DLG2: variants seen among roughly 807,000 people sequenced by gnomAD.
DLG2 encodes the protein discs large MAGUK scaffold protein 2.
Under a neutral mutation model 132.5 loss-of-function variants are expected in DLG2, and 45 were observed. The observed-to-expected ratio is 0.34, with a 90% confidence interval of 0.27 to 0.44. The LOEUF (loss-of-function observed/expected upper bound fraction) is 0.44, where lower values mean the gene tolerates loss of function less well. Among genes scored for constraint, DLG2 ranks in the 20% least tolerant of loss-of-function variants. The pLI, the probability that DLG2 is intolerant of heterozygous loss-of-function variation, is 1.00. For missense variants in DLG2, 1,045 were observed against 1,196.9 expected (o/e 0.87, Z 1.87); for synonymous variants, 424 against 419.6 (o/e 1.01, Z -0.13).
At chr11:84,479,714 T>A (rs1378805532) in intron 7 of DLG2, among the ~76,000 whole-genome samples, 2 of 152,046 alleles carry the variant, frequency 1.3e-5, no homozygotes, top group African/African-American at 2.4e-5. Flanking sequence ...TAGAAAAAAA[T>A]ATATTTTTAA....
intron 22 of DLG2, chr11:83,483,232 T>A (rs1356937576): frequency 6.2e-7 from 1 of 1,607,530 alleles, no homozygotes; most frequent in Non-Finnish European, 8.5e-7. Context: ...AAAGTTACAG[T>A]GACCATTCCT....
chr11:84,529,524 G>T (rs560507111), intron 7 of DLG2, among the ~76,000 whole-genome samples: 4 of 152,116 alleles, frequency 2.6e-5, no homozygotes, highest in South Asian at 2.1e-4. Flanking sequence ...GCAAAATCGA[G>T]AACTCAATCT....
rs2072198299 is a variant in DLG2 at position 83,897,774 on chromosome 11, T to C, written c.1497-23286A>G. Among the ~76,000 whole-genome samples the C allele has an allele frequency of 2.0e-5, 3 of 152,182 alleles. No individual in the cohort carries two copies. In the South Asian group the frequency reaches 6.2e-4, roughly 32 times the overall value. On this transcript the variant is annotated intron_variant, in intron 15 of 27. Transcript: ENST00000376104. ...CCCTGTCCTCATTCAGCTTGCCTTG[T>C]CATGGTGGGAACTGATAGAAATGAA...
chr11:85,330,799 AAAAAAAAAAAAAAG>A (rs1215507251), intron 3 of DLG2, among the ~76,000 whole-genome samples: 1 of 136,772 alleles, frequency 7.3e-6, no homozygotes, highest in Non-Finnish European at 1.6e-5. Context: ...AATTAAAAAA[AAAAAAAAAAAAAAG>A]AAAAAGAAGT....
At chr11:84,222,189 C>T (rs1282565883) in intron 8 of DLG2, among the ~76,000 whole-genome samples, 7 of 152,040 alleles carry the variant, frequency 4.6e-5, no homozygotes, top group African/African-American at 1.7e-4. Flanking sequence ...TGTGCCACCA[C>T]ACCTGGCTAA....
chr11:85,625,920 C>G (rs1447763559), intron 2 of DLG2, among the ~76,000 whole-genome samples: 1 of 152,140 alleles, frequency 6.6e-6, no homozygotes, highest in Non-Finnish European at 1.5e-5. Flanking sequence ...ATCAACTATG[C>G]TTCAGGAATT....
chr11:84,817,507 G>C (rs1293625017), intron 6 of DLG2, among the ~76,000 whole-genome samples: 1 of 152,056 alleles, frequency 6.6e-6, no homozygotes, highest in Admixed American at 6.6e-5. Context: ...TCAGATTTAG[G>C]GGGTTGTTTT....
chr11:85,360,752 A>T (rs1596517763), intron 3 of DLG2, among the ~76,000 whole-genome samples: 1 of 152,188 alleles, frequency 6.6e-6, no homozygotes, highest in Non-Finnish European at 1.5e-5. Context: ...CCAAGCTAAG[A>T]GTGATTCAAC....
At chr11:85,141,546 CT>C (rs1479668153) in intron 5 of DLG2, among the ~76,000 whole-genome samples, 1 of 151,564 alleles carries the variant, frequency 6.6e-6, no homozygotes, top group African/African-American at 2.4e-5. Flanking sequence ...CTATGGAGAA[CT>C]TTTTAGCTTG....
chr11:84,624,468 T>C lies in DLG2; in HGVS notation c.358-89737A>G, dbSNP rs566380028. 1.3e-4 allele frequency among the ~76,000 whole-genome samples: 20 copies of C among 152,286 alleles called. 1 individual carries two copies. The South Asian group carries it at 3.9e-3, about 30-fold the overall frequency. Reference sequence around the variant, plus strand: ...TCATGATTATTTATATTATTTTTATTATCACTATTAGAACAATGGTCAGAA... The same window carrying C: ...TCATGATTATTTATATTATTTTTATCATCACTATTAGAACAATGGTCAGAA... On this transcript the variant is annotated intron_variant, in intron 6 of 27. Coordinates refer to ENST00000376104, the MANE Select transcript of DLG2 (RefSeq NM_001142699.3).
At chr11:84,954,999 A>C (rs2051451800) in intron 6 of DLG2, among the ~76,000 whole-genome samples, 1 of 152,170 alleles carries the variant, frequency 6.6e-6, no homozygotes, top group African/African-American at 2.4e-5. Context: ...CAATTACCCT[A>C]CTCTACCCTT....
intron 16 of DLG2, among the ~76,000 whole-genome samples, chr11:83,862,384 A>G (rs910972971): frequency 6.6e-6 from 1 of 152,298 alleles, no homozygotes; most frequent in Non-Finnish European, 1.5e-5. Flanking sequence ...TGTGGGAGCT[A>G]AAAATAGTAA....
intron 6 of DLG2, among the ~76,000 whole-genome samples, chr11:84,586,535 A>G (rs2099530331): frequency 1.3e-5 from 2 of 152,160 alleles, no homozygotes; most frequent in Non-Finnish European, 2.9e-5. Flanking sequence ...CAAATGGCAT[A>G]TTAGGTGGAC....
intron 10 of DLG2, among the ~76,000 whole-genome samples, chr11:84,070,296 C>T (rs1265453159): frequency 2.0e-5 from 3 of 152,130 alleles, no homozygotes; most frequent in Admixed American, 1.3e-4. Flanking sequence ...TTTCATGTTG[C>T]TTTCTGTCTC....
intron 6 of DLG2, among the ~76,000 whole-genome samples, chr11:84,849,690 T>C (rs1298758530): frequency 6.6e-6 from 1 of 152,156 alleles, no homozygotes; most frequent in Non-Finnish European, 1.5e-5. Flanking sequence ...TATGTTTTCT[T>C]CAGTTACGAT....
intron 6 of DLG2, among the ~76,000 whole-genome samples, chr11:84,672,406 C>T (rs911964765): frequency 6.6e-6 from 1 of 152,082 alleles, no homozygotes; most frequent in Admixed American, 6.6e-5. Context: ...AGAGAGCGAT[C>T]TGGTAGATAA....
intron 8 of DLG2, among the ~76,000 whole-genome samples, chr11:84,171,658 A>C (rs2095825523): frequency 6.6e-6 from 1 of 152,110 alleles, no homozygotes; most frequent in Non-Finnish European, 1.5e-5. Context: ...CATCTTTGCT[A>C]TTGTGAATAG....
intron 7 of DLG2, among the ~76,000 whole-genome samples, chr11:84,498,190 G>T (rs1270808772): frequency 3.3e-5 from 5 of 152,214 alleles, no homozygotes; most frequent in Admixed American, 3.3e-4. Flanking sequence ...ATTTTGGCAT[G>T]ATAGTCAACA....
At chr11:83,981,049 T>C (rs754544171) in intron 11 of DLG2, among the ~76,000 whole-genome samples, 1 of 152,188 alleles carries the variant, frequency 6.6e-6, no homozygotes, top group Non-Finnish European at 1.5e-5. Flanking sequence ...CTGTTGTTAC[T>C]CTAGCATAGA....
Sources: allele counts gnomAD v4.1 joint callset (sites outside exome capture counted in the v4.1 genomes callset), GRCh38; gene constraint gnomAD v4.1.1; transcripts MANE v1.5; gene names NCBI Gene and HGNC (gene_info 2026-07-23, HGNC 2026-07-21).